FLRT2: variants seen among roughly 807,000 people sequenced by gnomAD.
The protein encoded by FLRT2 is leucine-rich repeat transmembrane protein FLRT2.
In FLRT2, 15 loss-of-function variants were observed where a neutral mutation model predicts 40.0. That is an observed-to-expected ratio of 0.38 (90% CI 0.25 to 0.58). The LOEUF is 0.58. Ranked by LOEUF, FLRT2 falls within the 20% of genes least tolerant of loss-of-function variation. The pLI is 0.71. For synonymous variants in FLRT2, 380 were observed against 336.8 expected, an observed-to-expected ratio of 1.13 and a Z score of -1.41; for missense variants, 726 against 840.0, an observed-to-expected ratio of 0.86 and a Z score of 1.68.
chr14:85,599,299 G>C (rs1245885665), intron 1 of FLRT2, among the ~76,000 whole-genome samples: 1 of 148,406 alleles, frequency 6.7e-6, no homozygotes, highest in African/African-American at 2.5e-5. Flanking sequence ...AACTCAATAG[G>C]CTAAAAGTAT....
At chr14:85,589,699 G>A (rs1891793164) in intron 1 of FLRT2, among the ~76,000 whole-genome samples, 1 of 152,086 alleles carries the variant, frequency 6.6e-6, no homozygotes, top group Admixed American at 6.6e-5. Context: ...CAATGTCCTG[G>A]AGATTTTCCC....
chr14:85,595,136 G>T (rs1892076941), intron 1 of FLRT2, among the ~76,000 whole-genome samples: 1 of 152,042 alleles, frequency 6.6e-6, no homozygotes, highest in Non-Finnish European at 1.5e-5. Context: ...AGAGAGGCAG[G>T]TACACTTGGT....
In FLRT2 at chr14:85,623,360, C is replaced by T; in HGVS notation, c.1846C>T (p.Gln616Ter). Reference sequence around the variant, plus strand: ...TCAGATCGTCTCCTTAAATAACGATCAACTCCTTAAAGGAGATTTCAGACT... The same window carrying T: ...TCAGATCGTCTCCTTAAATAACGATTAACTCCTTAAAGGAGATTTCAGACT... ...SFQIVSLNND[Q>*]LLKGDFRLQP... The change falls in exon 2 of 2, where the codon CAA (glutamine) becomes TAA (stop). Residue 616 changes from glutamine (Q) to a stop codon, truncating the protein, a stop_gained. Coordinates refer to ENST00000330753, the MANE Select transcript of FLRT2 (RefSeq NM_013231.6). LOFTEE classifies it high-confidence loss of function. 1 of 1,525,486 alleles carries T rather than the reference C, an allele frequency of 6.6e-7. No homozygotes were observed. The highest frequency in any genetic ancestry group is 8.8e-7 in the Non-Finnish European group (1 of 1,138,592). The allele number at this position is 1,525,486 out of a possible 1,614,324, so 94.5% of individuals were successfully genotyped here.
At chr14:85,593,918 T>C (rs1892017306) in intron 1 of FLRT2, among the ~76,000 whole-genome samples, 2 of 152,132 alleles carry the variant, frequency 1.3e-5, no homozygotes, top group South Asian at 4.1e-4. Flanking sequence ...GGTACATACC[T>C]GTAATCCCAG....
At chr14:85,596,074 C>T (rs756494851) in intron 1 of FLRT2, among the ~76,000 whole-genome samples, 5 of 152,120 alleles carry the variant, frequency 3.3e-5, no homozygotes, top group Non-Finnish European at 5.9e-5. Context: ...AATTACGGTT[C>T]ACTTTTTGAC....
chr14:85,611,684 AATAACCCACTGTC>A (rs1217732101), intron 1 of FLRT2, among the ~76,000 whole-genome samples: 2 of 152,160 alleles, frequency 1.3e-5, no homozygotes, highest in Non-Finnish European at 1.5e-5. Flanking sequence ...GGGAGGAATG[AATAACCCACTGTC>A]ATTTCAAGCG....
At chr14:85,556,930 C>T (rs987082454) in intron 1 of FLRT2, among the ~76,000 whole-genome samples, 6 of 152,016 alleles carry the variant, frequency 3.9e-5, no homozygotes, top group East Asian at 1.9e-4. Context: ...AGAATCATGG[C>T]GGGAGGCAAA....
intron 1 of FLRT2, among the ~76,000 whole-genome samples, chr14:85,595,614 C>G (rs913083675): frequency 6.6e-6 from 1 of 151,992 alleles, no homozygotes; most frequent in Admixed American, 6.6e-5. Flanking sequence ...AAGAAAGAAC[C>G]CTTTGAAGTC....
rs1894466215 is a variant in FLRT2 at position 85,652,821 on chromosome 14, T to A, written c.*29324T>A. On this transcript the variant is annotated 3_prime_UTR_variant, in exon 2 of 2. Coordinates refer to ENST00000330753, the MANE Select transcript of FLRT2 (RefSeq NM_013231.6). ...TCTATTATTTAAAAAAGTTTTTGCTTGGCAAATCTTCCCCTCTAGGAGATT... is the reference window on the plus strand; with the variant it reads ...TCTATTATTTAAAAAAGTTTTTGCTAGGCAAATCTTCCCCTCTAGGAGATT... 1 of 148,300 alleles carries A rather than the reference T, an allele frequency of 6.7e-6. No homozygotes were observed. The highest frequency in any genetic ancestry group is 2.4e-5 in the African/African-American group (1 of 41,296). The allele number at this position is 148,300 out of a possible 1,614,324, so 9.2% of individuals were successfully genotyped here.
chr14:85,604,830 T>C (rs527661169), intron 1 of FLRT2, among the ~76,000 whole-genome samples: 1 of 152,198 alleles, frequency 6.6e-6, no homozygotes, highest in South Asian at 2.1e-4. Flanking sequence ...TTTCCTGCTG[T>C]GTGTGTTGGC....
intron 1 of FLRT2, among the ~76,000 whole-genome samples, chr14:85,612,974 G>A (rs942375451): frequency 3.3e-5 from 5 of 152,092 alleles, no homozygotes; most frequent in African/African-American, 1.2e-4. Flanking sequence ...CAATATTAGG[G>A]TAGGGAAGTA....
rs1382443973 is a variant in FLRT2, at chr14:85,646,142, G to C, written c.*22645G>C. ...ACAGAGGTTAAGAAAATGAACTCAG[G>C]CCGGTAAGAGTCACTGTTATCATTC... is the stretch of plus-strand genomic sequence containing the variant. On this transcript the variant is annotated 3_prime_UTR_variant, in exon 2 of 2. Transcript: ENST00000330753. The C allele has an allele frequency of 6.6e-6, 1 of 152,176 alleles. No individual in the cohort carries two copies. The highest frequency in any genetic ancestry group is 1.5e-5 in the Non-Finnish European group (1 of 68,064). 9.4% of individuals were successfully genotyped at this position (152,176 alleles called of 1,614,324 possible).
rs542762495 is a variant in FLRT2 at position 85,631,186 on chromosome 14, A to G, written c.*7689A>G. Reference sequence around the variant, plus strand: ...CTTCCTGGGATCTCAAGTTCCTTCAAACCACTATATATGTGCTCAAGGTCT... The same window carrying G: ...CTTCCTGGGATCTCAAGTTCCTTCAGACCACTATATATGTGCTCAAGGTCT... On this transcript the variant is annotated 3_prime_UTR_variant, in exon 2 of 2. Transcript: ENST00000330753. The G allele has an allele frequency of 7.1e-6, 1 of 140,178 alleles. No individual in the cohort carries two copies. Among genetic ancestry groups the G allele is most frequent in the South Asian group, 2.2e-4 (1 of 4,452 alleles). The allele number at this position is 140,178 out of a possible 1,614,324, so 8.7% of individuals were successfully genotyped here.
intron 1 of FLRT2, among the ~76,000 whole-genome samples, chr14:85,573,894 G>A (rs909696562): frequency 6.6e-6 from 1 of 152,218 alleles, no homozygotes; most frequent in Non-Finnish European, 1.5e-5. Context: ...AGTGAGTTGA[G>A]CCATCAGAGA....
intron 1 of FLRT2, among the ~76,000 whole-genome samples, chr14:85,567,930 G>A (rs537323140): frequency 3.9e-5 from 6 of 152,032 alleles, no homozygotes; most frequent in Admixed American, 1.3e-4. Flanking sequence ...GAGCCACCGC[G>A]CAAGGCCTGA....
Position 85,639,527 on chromosome 14 carries a change from A to G in FLRT2, c.*16030A>G, listed in dbSNP as rs1406354215. On this transcript the variant is annotated 3_prime_UTR_variant, in exon 2 of 2. Transcript: ENST00000330753. ...CTGAGACGTGTTTCCATTTTCTGCTACTTTTTAGTGAGCCCAAATGATGGT... is the reference window on the plus strand; with the variant it reads ...CTGAGACGTGTTTCCATTTTCTGCTGCTTTTTAGTGAGCCCAAATGATGGT... The G allele has an allele frequency of 6.6e-6, 1 of 152,166 alleles. No homozygotes were observed. The highest frequency in any genetic ancestry group is 6.5e-5 in the Admixed American group (1 of 15,274). 9.4% of individuals were successfully genotyped at this position (152,166 alleles called of 1,614,324 possible).
chr14:85,611,813 GA>G (rs1892874430), intron 1 of FLRT2, among the ~76,000 whole-genome samples: 1 of 151,982 alleles, frequency 6.6e-6, no homozygotes, highest in Admixed American at 6.6e-5. Context: ...TTGAAGATTG[GA>G]ACTTTTTTCT....
intron 1 of FLRT2, among the ~76,000 whole-genome samples, chr14:85,572,536 A>C (rs1283397713): frequency 6.6e-6 from 1 of 152,146 alleles, no homozygotes; most frequent in Non-Finnish European, 1.5e-5. Flanking sequence ...GTTGTTATTA[A>C]GCATGTGTTG....
chr14:85,607,010 A>C (rs968003521), intron 1 of FLRT2, among the ~76,000 whole-genome samples: 1 of 150,676 alleles, frequency 6.6e-6, no homozygotes, highest in East Asian at 2.0e-4. Flanking sequence ...ATATCTATGG[A>C]TGTACTGTAG....
Sources: allele counts gnomAD v4.1 joint callset (sites outside exome capture counted in the v4.1 genomes callset), GRCh38; gene constraint gnomAD v4.1.1; transcripts MANE v1.5; gene names NCBI Gene and HGNC (gene_info 2026-07-23, HGNC 2026-07-21).